The following MAP2K2 variants were observed in gnomAD, a reference collection of about 807,000 sequenced individuals.
MAP2K2 encodes the protein dual specificity mitogen-activated protein kinase kinase 2.
Under a neutral mutation model 43.7 loss-of-function variants are expected in MAP2K2, and 24 were observed. That is an observed-to-expected ratio of 0.55 (90% confidence interval 0.40 to 0.77). The LOEUF (loss-of-function observed/expected upper bound fraction) is 0.77. Ranked by LOEUF, MAP2K2 falls within the 30% of genes least tolerant of loss-of-function variation. The pLI is 0.00. For synonymous variants in MAP2K2, 244 were observed against 239.7 expected (o/e 1.02, Z -0.17); for missense variants, 470 against 566.8 (o/e 0.83, Z 1.73).
At chr19:4,117,676 A>G in intron 1 of MAP2K2, 47 bp from the exon 2 acceptor site, 1 of 1,574,712 alleles carries the variant, frequency 6.4e-7, no homozygotes, top group East Asian at 2.2e-5. Flanking sequence ...GGGAGACTCC[A>G]TCTGGCCGTT....
Position 4,115,313 on chromosome 19 carries a change from G to C in MAP2K2, c.303+2106C>G, listed in dbSNP as rs1293355556. Among the ~76,000 whole-genome samples, 1 of 152,224 alleles carries C rather than the reference G, an allele frequency of 6.6e-6. No individual in the cohort carries two copies. The highest frequency in any genetic ancestry group is 2.4e-5 in the African/African-American group (1 of 41,458). On this transcript the variant is annotated intron_variant, in intron 2 of 10. Transcript: ENST00000262948. The surrounding 1 kb of genome is among the most constrained non-coding windows in gnomAD (Gnocchi z 4.1). ...TCCCTTTCCCCGCTACAGTAAAGCT[G>C]CAGGTGGGCCCGGCTTCACCTGCGC...
chr19:4,102,078 C>T (rs1258564453), intron 4 of MAP2K2, among the ~76,000 whole-genome samples: 1 of 152,168 alleles, frequency 6.6e-6, no homozygotes, highest in Non-Finnish European at 1.5e-5. Flanking sequence ...CTGCAACGTG[C>T]CAGCTGCCAA....
Position 4,123,893 on chromosome 19 carries a change from G to GC in MAP2K2, c.-19dup. ...GCCAGCATCGGGGCTCCGCGGGCCGGCGGCGGCGGCGCCTCTAGCCGGGGC... is the reference window on the plus strand; with the variant it reads ...GCCAGCATCGGGGCTCCGCGGGCCGGCCGGCGGCGGCGCCTCTAGCCGGGGC... On this transcript the variant is annotated 5_prime_UTR_variant, in exon 1 of 11. Transcript: ENST00000262948. 7.3e-7 allele frequency: 1 copy of GC among 1,370,476 alleles called. No homozygotes were observed. The highest frequency in any genetic ancestry group is 3.1e-5 in the East Asian group (1 of 32,368). The allele number at this position is 1,370,476 out of a possible 1,614,324, so 84.9% of individuals were successfully genotyped here.
At chr19:4,114,186 A>G (rs910034806) in intron 2 of MAP2K2, among the ~76,000 whole-genome samples, 1 of 152,218 alleles carries the variant, frequency 6.6e-6, no homozygotes, top group Non-Finnish European at 1.5e-5. Flanking sequence ...ACCGCAGTGC[A>G]GTGGATCTGG....
At chr19:4,116,079 G>A (rs1161796819) in intron 2 of MAP2K2, among the ~76,000 whole-genome samples, 2 of 152,184 alleles carry the variant, frequency 1.3e-5, no homozygotes, top group African/African-American at 2.4e-5. Context: ...GTGTCTCCTC[G>A]GTGAGACCAC....
At chr19:4,093,501 G>C (rs770206947) in intron 10 of MAP2K2, among the ~76,000 whole-genome samples, 4 of 152,114 alleles carry the variant, frequency 2.6e-5, no homozygotes, top group Non-Finnish European at 5.9e-5. Flanking sequence ...GGCCAGCCTG[G>C]ACAACATGGT....
In MAP2K2 at chr19:4,101,286, G is replaced by A; in HGVS notation, c.529-6C>T. The A allele has an allele frequency of 6.3e-7, 1 of 1,576,754 alleles. No homozygotes were observed. Among genetic ancestry groups the A allele is most frequent in the African/African-American group, 1.3e-5 (1 of 74,350 alleles). ...TACGCCAAGCCCCGGAGAACCTGCA[G>A]GGGAGCGCGGAGGGAGTCACGGGAC... is the stretch of plus-strand genomic sequence containing the variant. On this transcript the variant is annotated splice_polypyrimidine_tract_variant and splice_region_variant and intron_variant, in intron 4 of 10. Transcript: ENST00000262948. The surrounding 1 kb of genome is among the most constrained non-coding windows in gnomAD (Gnocchi z 6.3).
intron 3 of MAP2K2, among the ~76,000 whole-genome samples, chr19:4,105,070 C>A (rs1283587603): frequency 6.6e-6 from 1 of 152,010 alleles, no homozygotes; most frequent in Non-Finnish European, 1.5e-5. Context: ...GTCTGAGTCA[C>A]AGAGACAGGA....
chr19:4,117,404 C>T lies in MAP2K2; in HGVS notation c.303+15G>A, dbSNP rs373530124. 17 of 1,611,008 alleles carry T rather than the reference C, an allele frequency of 1.1e-5. No homozygotes were observed. Among genetic ancestry groups the T allele is most frequent in the Non-Finnish European group, 1.4e-5 (17 of 1,179,596 alleles). On this transcript the variant is annotated intron_variant, in intron 2 of 10. Coordinates refer to ENST00000262948, the MANE Select transcript of MAP2K2 (RefSeq NM_030662.4). ...CCCCACCACTCCCCGACCTCCCCGA[C>T]CCCGCAGTGCTCACCTTCCTGGCCA...
intron 10 of MAP2K2, 131 bp from the exon 11 acceptor site, chr19:4,090,839 A>C: frequency 1.4e-6 from 1 of 721,576 alleles, no homozygotes. Flanking sequence ...TCCCTTCCCC[A>C]CAGGAAGACG....
intron 3 of MAP2K2, 55 bp from the exon 4 acceptor site, chr19:4,102,508 C>A: frequency 7.5e-7 from 1 of 1,330,770 alleles, no homozygotes; most frequent in African/African-American, 1.4e-5. Context: ...CGGGAAGCCA[C>A]GGATGCGTCC....
At chr19:4,118,741 C>G (rs567681908) in intron 1 of MAP2K2, among the ~76,000 whole-genome samples, 1 of 152,318 alleles carries the variant, frequency 6.6e-6, no homozygotes, top group East Asian at 1.9e-4. Context: ...ATGATCGTGA[C>G]AATGTACTCC....
intron 2 of MAP2K2, among the ~76,000 whole-genome samples, chr19:4,111,451 G>A (rs1010390263): frequency 6.6e-6 from 1 of 152,080 alleles, no homozygotes; most frequent in Non-Finnish European, 1.5e-5. Context: ...TCCCCTCCAG[G>A]CCTCTCTCCA....
Position 4,117,316 on chromosome 19 carries a change from G to A in MAP2K2, c.303+103C>T, listed in dbSNP as rs1301157998. 5.7e-5 allele frequency: 62 copies of A among 1,089,470 alleles called. No individual in the cohort carries two copies. In the Admixed American group the frequency reaches 5.7e-4, roughly 10 times the overall value. The allele number at this position is 1,089,470 out of a possible 1,614,324, so 67.5% of individuals were successfully genotyped here. Reference sequence around the variant, plus strand: ...GTGGGGATGAGGGACAGAGCCTGGAGCTAATCAGAATGCAGAGACCCGGCT... The same window carrying A: ...GTGGGGATGAGGGACAGAGCCTGGAACTAATCAGAATGCAGAGACCCGGCT... On this transcript the variant is annotated intron_variant, in intron 2 of 10. Transcript: ENST00000262948.
chr19:4,118,231 C>T (rs1015407226), intron 1 of MAP2K2, among the ~76,000 whole-genome samples: 7 of 152,218 alleles, frequency 4.6e-5, no homozygotes, highest in Admixed American at 2.6e-4. Flanking sequence ...AGCCATTGCA[C>T]GCGGCCGGGA....
At chr19:4,113,951 C>T (rs563709951) in intron 2 of MAP2K2, among the ~76,000 whole-genome samples, 62 of 152,196 alleles carry the variant, frequency 4.1e-4, no homozygotes, top group Non-Finnish European at 8.5e-4. Context: ...CCAAGAGTCA[C>T]GTGCAGCCCA....
In MAP2K2 at chr19:4,111,218, G is replaced by A. The variant is rs2041150042; in HGVS notation, c.304-563C>T. On this transcript the variant is annotated intron_variant, in intron 2 of 10. Transcript: ENST00000262948. ...TAAAATTGACTGTGGTGATGAGGAC[G>A]ATGCCGTGAATATCCTACAATCCAC... is the stretch of plus-strand genomic sequence containing the variant. Among the ~76,000 whole-genome samples, 4 of 152,156 alleles carry A rather than the reference G, an allele frequency of 2.6e-5. No homozygotes were observed. The South Asian group carries it at 6.2e-4, about 24-fold the overall frequency.
rs1041835574 is a variant in MAP2K2, at chr19:4,090,467, G to A, written c.*131C>T. On this transcript the variant is annotated 3_prime_UTR_variant, in exon 11 of 11. Transcript: ENST00000262948. ...CCGTTCCTGCATGCGCTGTCGCCCC[G>A]CCACGGTGCTCTCCGCAGGGGTGAG... 6.0e-5 allele frequency: 49 copies of A among 810,136 alleles called. No homozygotes were observed. The highest frequency in any genetic ancestry group is 3.4e-4 in the Middle Eastern group (1 of 2,922). 50.2% of individuals were successfully genotyped at this position (810,136 alleles called of 1,614,324 possible).
chr19:4,092,857 A>C (rs2040866862), intron 10 of MAP2K2, among the ~76,000 whole-genome samples: 1 of 152,108 alleles, frequency 6.6e-6, no homozygotes. Flanking sequence ...GAATCATTTG[A>C]GCCCAGGAGT....
Sources: allele counts gnomAD v4.1 joint callset (sites outside exome capture counted in the v4.1 genomes callset), GRCh38; gene constraint gnomAD v4.1.1; non-coding constraint Gnocchi (gnomAD v3.1); transcripts MANE v1.5; gene names NCBI Gene and HGNC (gene_info 2026-07-23, HGNC 2026-07-21).